Variants in ASF1B observed in about 807,000 individuals in gnomAD.
ASF1B encodes the protein anti-silencing function 1B histone chaperone.
ASF1B carries 10 observed loss-of-function variants against 16.6 expected under a neutral mutation model. The ratio of observed to expected loss-of-function variants is 0.60; its 90% CI spans 0.37 to 1.02. ASF1B has a LOEUF of 1.02. Among genes scored for constraint, ASF1B ranks in the 50% least tolerant of loss-of-function variants. ASF1B has a pLI of 0.01. For synonymous variants in ASF1B, 101 were observed against 106.2 expected (o/e 0.95, Z 0.30); for missense variants, 240 against 266.0 (o/e 0.90, Z 0.68).
At chr19:14,122,335 G>A (rs988900769) in intron 2 of ASF1B, among the ~76,000 whole-genome samples, 1 of 151,636 alleles carries the variant, frequency 6.6e-6, no homozygotes, top group Non-Finnish European at 1.5e-5. Flanking sequence ...CCAAAGTGTT[G>A]GGATTACAGG....
At position 14,120,670 on chromosome 19, in the gene ASF1B, G is replaced by T; in HGVS notation, c.403-5C>A. 6.2e-7 allele frequency: 1 copy of T among 1,613,984 alleles called. No homozygotes were observed. The highest frequency in any genetic ancestry group is 8.5e-7 in the Non-Finnish European group (1 of 1,179,962). ...GGCCAAGATGTTCCGCTGGAGCTGG[G>T]GCAGGAAGAGGAACGTCAACCCTTG... On this transcript the variant is annotated splice_polypyrimidine_tract_variant and splice_region_variant and intron_variant, in intron 3 of 3. Transcript: ENST00000263382.
intron 1 of ASF1B, among the ~76,000 whole-genome samples, chr19:14,130,202 G>A (rs960297537): frequency 5.9e-5 from 9 of 151,794 alleles, no homozygotes; most frequent in Non-Finnish European, 1.3e-4. Context: ...GGGACTACAG[G>A]CACCCCCCAC....
chr19:14,130,414 G>A (rs994731536), intron 1 of ASF1B, among the ~76,000 whole-genome samples: 1 of 151,634 alleles, frequency 6.6e-6, no homozygotes, highest in Non-Finnish European at 1.5e-5. Flanking sequence ...TGCACCTGTG[G>A]TTCCAGCTAC....
intron 3 of ASF1B, 45 bp downstream of exon 3, chr19:14,121,487 T>G: frequency 1.9e-6 from 3 of 1,586,194 alleles, no homozygotes; most frequent in Non-Finnish European, 1.7e-6. Flanking sequence ...CCCCCAAGTA[T>G]AAAGAACGGC....
intron 1 of ASF1B, 51 bp from the exon 2 acceptor site, chr19:14,126,288 G>A: frequency 1.5e-6 from 2 of 1,316,808 alleles, no homozygotes; most frequent in Non-Finnish European, 2.2e-6. Flanking sequence ...ACAGCAAGAA[G>A]GCAGGGATAG....
intron 1 of ASF1B, among the ~76,000 whole-genome samples, chr19:14,132,301 TACAG>T (rs1240943997): frequency 2.6e-5 from 4 of 152,188 alleles, no homozygotes; most frequent in Non-Finnish European, 5.9e-5. Context: ...GTGCTGGAAT[TACAG>T]GCATGAGCCA....
intron 3 of ASF1B, chr19:14,121,169 G>A (rs970989555): frequency 1.4e-5 from 5 of 370,248 alleles, no homozygotes; most frequent in African/African-American, 2.1e-5. Context: ...TGGTCAGGCT[G>A]GAATGCAGTG....
chr19:14,122,265 C>T (rs1299603556), intron 2 of ASF1B, among the ~76,000 whole-genome samples: 1 of 152,026 alleles, frequency 6.6e-6, no homozygotes, highest in East Asian at 1.9e-4. Flanking sequence ...CGGGATTTCA[C>T]CATGTTGGCC....
chr19:14,134,646 G>A (rs1182031869), intron 1 of ASF1B, among the ~76,000 whole-genome samples: 3 of 152,326 alleles, frequency 2.0e-5, no homozygotes, highest in East Asian at 3.9e-4. Context: ...TTAGATTTTG[G>A]ATTTGTACAG....
At chr19:14,134,355 G>A (rs1197262123) in intron 1 of ASF1B, among the ~76,000 whole-genome samples, 1 of 152,004 alleles carries the variant, frequency 6.6e-6, no homozygotes, top group African/African-American at 2.4e-5. Context: ...AGGAGCGAGA[G>A]AGACCGGGGA....
chr19:14,125,933 C>T (rs1967310870), intron 2 of ASF1B, among the ~76,000 whole-genome samples, 189 bp downstream of exon 2: 1 of 152,132 alleles, frequency 6.6e-6, no homozygotes, highest in Admixed American at 6.5e-5. Flanking sequence ...CAGTGGCTCA[C>T]TGCAGCCTCA....
intron 1 of ASF1B, among the ~76,000 whole-genome samples, chr19:14,133,328 A>G (rs1967434866): frequency 1.3e-5 from 2 of 152,022 alleles, no homozygotes; most frequent in Admixed American, 6.6e-5. Flanking sequence ...TACTTCTACA[A>G]ACTGGCTGTG....
intron 3 of ASF1B, among the ~76,000 whole-genome samples, chr19:14,121,129 T>C (rs1284370853): frequency 7.1e-6 from 1 of 140,246 alleles, no homozygotes; most frequent in African/African-American, 3.0e-5. Flanking sequence ...GCCCAGGACT[T>C]TTTTTTTTTA....
At chr19:14,131,293 T>G (rs556048634) in intron 1 of ASF1B, among the ~76,000 whole-genome samples, 3 of 151,750 alleles carry the variant, frequency 2.0e-5, no homozygotes, top group Non-Finnish European at 4.4e-5. Context: ...CTAGCGATTC[T>G]TCTGCCTCAG....
chr19:14,136,430 C>T lies in ASF1B; in HGVS notation c.27G>A (p.Val9=). The change falls in exon 1 of 4, where the codon GTG becomes GTA. Residue 9 remains valine, a synonymous_variant. Transcript: ENST00000263382. MAKVSVLN[V]AVLENPSPFH... ...AAGGGCTCGGGTTCTCCAGGACCGC[C>T]ACGTTCAGCACCGACACCTTGGCCA... 6.2e-7 allele frequency: 1 copy of T among 1,613,552 alleles called. No homozygotes were observed. Among genetic ancestry groups the T allele is most frequent in the Non-Finnish European group, 8.5e-7 (1 of 1,179,596 alleles).
At chr19:14,121,737 A>G (rs1967241925) in intron 2 of ASF1B, 29 bp from the exon 3 acceptor site, 1 of 1,589,472 alleles carries the variant, frequency 6.3e-7, no homozygotes, top group Non-Finnish European at 8.6e-7. Flanking sequence ...AGGCCTTAGC[A>G]GTGCCACAGC....
rs571511925 is a variant in ASF1B, at chr19:14,129,496, G to C, written c.110-3259C>G. On this transcript the variant is annotated intron_variant, in intron 1 of 3. Coordinates refer to ENST00000263382, the MANE Select transcript of ASF1B (RefSeq NM_018154.3). Reference sequence around the variant, plus strand: ...GTTCGAGACCAACCTGGGCAACATGGTGAAACCCCATCTCTACTAAAAATA... The same window carrying C: ...GTTCGAGACCAACCTGGGCAACATGCTGAAACCCCATCTCTACTAAAAATA... Among the ~76,000 whole-genome samples, 50 of 151,700 alleles carry C rather than the reference G, an allele frequency of 3.3e-4. No homozygotes were observed. In the South Asian group the frequency reaches 9.8e-3, roughly 30 times the overall value.
intron 1 of ASF1B, among the ~76,000 whole-genome samples, chr19:14,135,606 G>T (rs1967479567): frequency 6.6e-6 from 1 of 152,134 alleles, no homozygotes; most frequent in Non-Finnish European, 1.5e-5. Flanking sequence ...GACACAAATG[G>T]GAAGATGGGG....
At chr19:14,124,539 T>C (rs1324880240) in intron 2 of ASF1B, among the ~76,000 whole-genome samples, 1 of 152,206 alleles carries the variant, frequency 6.6e-6, no homozygotes, top group Non-Finnish European at 1.5e-5. Context: ...ATGTGCAAGT[T>C]CACCTACCTG....
Sources: gnomAD v4.1 joint callset for allele counts (sites outside exome capture counted in the v4.1 genomes callset) on GRCh38, gnomAD v4.1.1 for gene constraint, MANE v1.5 for transcripts, NCBI Gene and HGNC (gene_info 2026-07-23, HGNC 2026-07-21) for gene names.